SBNO1: variants seen among roughly 807,000 people sequenced by gnomAD.
SBNO1 encodes the protein strawberry notch homolog 1.
In SBNO1, 23 loss-of-function variants were observed where a neutral mutation model predicts 173.6. The ratio of observed to expected loss-of-function variants is 0.13; its 90% CI spans 0.10 to 0.19. The LOEUF is 0.19. SBNO1 is among the 10% of genes least tolerant of loss of function. The pLI is 1.00. For synonymous variants in SBNO1, 632 were observed against 571.5 expected (o/e 1.11, Z -1.51); for missense variants, 1,238 against 1,671.2 (o/e 0.74, Z 4.52).
intron 30 of SBNO1, among the ~76,000 whole-genome samples, chr12:123,299,052 A>G (rs541344794): frequency 6.6e-6 from 1 of 152,150 alleles, no homozygotes; most frequent in Non-Finnish European, 1.5e-5. Context: ...GAGAAACCTC[A>G]TTTCTACTGA....
At chr12:123,334,656 C>G (rs781245795) in intron 6 of SBNO1, among the ~76,000 whole-genome samples, 10 of 151,896 alleles carry the variant, frequency 6.6e-5, no homozygotes, top group Non-Finnish European at 1.5e-4. Context: ...TGCAGGGAGC[C>G]GAGACTGTGC....
intron 1 of SBNO1, among the ~76,000 whole-genome samples, chr12:123,360,584 A>G (rs1593427546): frequency 6.6e-6 from 1 of 151,968 alleles, no homozygotes; most frequent in South Asian, 2.1e-4. Context: ...AGCTGGGATT[A>G]TAGGTGCGGA....
rs1200604804 is a variant in SBNO1, at chr12:123,327,701, C to A, written c.1538+6G>T. ...TGAGAAGAGTATATACCGTAAACTGCATTACCTCCGTTCTACTGCTTGAAT... is the reference window on the plus strand; with the variant it reads ...TGAGAAGAGTATATACCGTAAACTGAATTACCTCCGTTCTACTGCTTGAAT... On this transcript the variant is annotated splice_donor_region_variant and intron_variant, in intron 12 of 31. Transcript: ENST00000602398. 7 of 1,606,660 alleles carry A rather than the reference C, an allele frequency of 4.4e-6. No homozygotes were observed. In the South Asian group the frequency reaches 4.4e-5, roughly 10 times the overall value.
intron 19 of SBNO1, 124 bp downstream of exon 19, chr12:123,320,307 TA>T: frequency 1.0e-6 from 1 of 996,826 alleles, no homozygotes; most frequent in Non-Finnish European, 1.5e-6. Flanking sequence ...GGATGGCAAC[TA>T]AAGTAGAACA....
chr12:123,320,395 T>C (rs999474171), intron 19 of SBNO1, 37 bp downstream of exon 19: 4 of 1,568,370 alleles, frequency 2.6e-6, no homozygotes, highest in East Asian at 2.2e-5. Flanking sequence ...GGGGTTCAAA[T>C]GGCAAAAATG....
rs1332105122 is a variant in SBNO1, at chr12:123,291,640, C to T, written c.*4268G>A. On this transcript the variant is annotated 3_prime_UTR_variant, in exon 32 of 32. Transcript: ENST00000602398. The stretch of plus-strand genomic sequence containing the variant: ...AAAACTGAATTCTAAAATACAGGAA[C>T]AAATACTTTTCTAAATGAAAAGTTT... 1 of 106,928 alleles carries T rather than the reference C, an allele frequency of 9.4e-6. No homozygotes were observed. The highest frequency in any genetic ancestry group is 2.0e-5 in the Non-Finnish European group (1 of 51,150). The allele number at this position is 106,928 out of a possible 1,614,324, so 6.6% of individuals were successfully genotyped here. A position where few individuals can be genotyped will look rare whatever the true frequency, so the allele number is the denominator to read the frequency against.
At position 123,317,282 on chromosome 12, in the gene SBNO1, C is replaced by T. The variant is rs1248251757; in HGVS notation, c.2874G>A (p.Arg958=). The change falls in exon 21 of 32, where the codon AGG becomes AGA. Residue 958 remains arginine (R), a synonymous_variant. Transcript: ENST00000602398. The stretch of plus-strand genomic sequence containing the variant: ...ATTCTAAAGTCATATGAACTCTTCG[C>T]CTTTGATTTTTAGCTCTCCTATCTG... ...LQADRRAKNQ[R]RRVHMTLELP... is the part of the protein sequence containing the mutation. 2 of 1,613,966 alleles carry T rather than the reference C, an allele frequency of 1.2e-6. No homozygotes were observed. The highest frequency in any genetic ancestry group is 1.7e-6 in the Non-Finnish European group (2 of 1,179,984).
At chr12:123,309,622 C>T (rs759110639) in intron 26 of SBNO1, 39 bp from the exon 27 acceptor site, 2 of 1,600,786 alleles carry the variant, frequency 1.2e-6, no homozygotes, top group Non-Finnish European at 1.7e-6. Context: ...GTAAAAAGAA[C>T]ATTTTTATCA....
chr12:123,359,463 G>A (rs1287605741), intron 1 of SBNO1, among the ~76,000 whole-genome samples: 4 of 151,486 alleles, frequency 2.6e-5, no homozygotes, highest in Non-Finnish European at 5.9e-5. Flanking sequence ...TTGAGATGCT[G>A]AGGTGGGAGA....
intron 14 of SBNO1, 100 bp from the exon 15 acceptor site, chr12:123,325,699 G>T (rs1870534849): frequency 1.3e-6 from 1 of 795,124 alleles, no homozygotes; most frequent in South Asian, 1.6e-5. Flanking sequence ...TTTCAAACAA[G>T]AATGTCCTCA....
In SBNO1 at chr12:123,292,707, T is replaced by C. The variant is rs958176205; in HGVS notation, c.*3201A>G. 6.6e-6 allele frequency: 1 copy of C among 152,170 alleles called. No homozygotes were observed. Among genetic ancestry groups the C allele is most frequent in the Non-Finnish European group, 1.5e-5 (1 of 68,030 alleles). The allele number at this position is 152,170 out of a possible 1,614,324, so 9.4% of individuals were successfully genotyped here. On this transcript the variant is annotated 3_prime_UTR_variant, in exon 32 of 32. Transcript: ENST00000602398. The stretch of plus-strand genomic sequence containing the variant: ...CTGAAGTGCTGAGTTAGAATAAATA[T>C]ATATAGATACATACACACACTACAT...
intron 28 of SBNO1, among the ~76,000 whole-genome samples, chr12:123,307,311 A>G (rs80151828): frequency 0.048 from 7,229 of 152,128 alleles, 302 homozygotes; most frequent in East Asian, 0.25. Flanking sequence ...CTAGCTTGGC[A>G]CTCCTAAACT....
chr12:123,293,777 A>T lies in SBNO1; in HGVS notation c.*2131T>A, dbSNP rs1292890107. On this transcript the variant is annotated 3_prime_UTR_variant, in exon 32 of 32. Transcript: ENST00000602398. The stretch of plus-strand genomic sequence containing the variant: ...GCTTTGAAAACGCCATAAAAAACTA[A>T]GATGCCCTCATACACAGAAAAGAGG... The T allele has an allele frequency of 6.6e-6, 1 of 152,216 alleles. No individual in the cohort carries two copies. Among genetic ancestry groups the T allele is most frequent in the Non-Finnish European group, 1.5e-5 (1 of 68,046 alleles). The allele number at this position is 152,216 out of a possible 1,614,324, so 9.4% of individuals were successfully genotyped here.
rs756041369 is a variant in SBNO1 at position 123,325,417 on chromosome 12, T to C, written c.1973+85A>G. ...AGATGATGCAGGTGAAACAAAAGTT[T>C]TGTCTCCAGGAAATGCCCACATTGG... On this transcript the variant is annotated intron_variant, in intron 15 of 31. Coordinates refer to ENST00000602398, the MANE Select transcript of SBNO1 (RefSeq NM_001167856.3). 7.5e-4 allele frequency: 693 copies of C among 921,022 alleles called. 3 individuals are homozygous for C. Among genetic ancestry groups the C allele is most frequent in the Non-Finnish European group, 1.0e-3 (598 of 580,742 alleles). 57.1% of individuals were successfully genotyped at this position (921,022 alleles called of 1,614,324 possible). A position where few individuals can be genotyped will look rare whatever the true frequency, so the allele number is the denominator to read the frequency against.
chr12:123,320,276 GGCA>G (rs533275119), intron 19 of SBNO1, among the ~76,000 whole-genome samples, 153 bp downstream of exon 19: 3 of 152,200 alleles, frequency 2.0e-5, no homozygotes, highest in Non-Finnish European at 4.4e-5. Flanking sequence ...AGATACTGCA[GGCA>G]GCAGTTCATT....
In SBNO1 at chr12:123,309,941, C is replaced by T. The variant is rs749420961; in HGVS notation, c.3296-85G>A. On this transcript the variant is annotated intron_variant, in intron 25 of 31. Transcript: ENST00000602398. ...CTAGGCTTAGTTCAAGTCCCACTTT[C>T]TCTTCTAAAAGTCTTCCTTCTTAAC... is the stretch of plus-strand genomic sequence containing the variant. The T allele has an allele frequency of 1.4e-4, 144 of 1,063,184 alleles. No individual in the cohort carries two copies. In the Middle Eastern group the frequency reaches 4.0e-3, roughly 30 times the overall value. The allele number at this position is 1,063,184 out of a possible 1,614,324, so 65.9% of individuals were successfully genotyped here. A position where few individuals can be genotyped will look rare whatever the true frequency, so the allele number is the denominator to read the frequency against.
chr12:123,350,520 C>G lies in SBNO1; in HGVS notation c.1-79G>C. On this transcript the variant is annotated intron_variant, in intron 1 of 31. Transcript: ENST00000602398. Reference sequence around the variant, plus strand: ...AACTCCCCTCTAAATATAAACAATCCAACAATCTCTATTAGACCCATTCAT... The same window carrying G: ...AACTCCCCTCTAAATATAAACAATCGAACAATCTCTATTAGACCCATTCAT... 5 of 1,147,762 alleles carry G rather than the reference C, an allele frequency of 4.4e-6. No homozygotes were observed. The South Asian group carries it at 6.2e-5, about 14-fold the overall frequency. The allele number at this position is 1,147,762 out of a possible 1,614,324, so 71.1% of individuals were successfully genotyped here.
At chr12:123,303,295 C>G (rs1424844067) in intron 29 of SBNO1, among the ~76,000 whole-genome samples, 1 of 152,178 alleles carries the variant, frequency 6.6e-6, no homozygotes, top group Non-Finnish European at 1.5e-5. Context: ...TTTAAACATT[C>G]TAACTTTTGT....
intron 23 of SBNO1, 151 bp downstream of exon 23, chr12:123,315,222 G>A (rs1793478983): frequency 9.7e-6 from 6 of 620,742 alleles, no homozygotes; most frequent in South Asian, 3.9e-5. Flanking sequence ...TAACATACAT[G>A]TGAAATTCTG....
Sources: gnomAD v4.1 joint callset for allele counts (sites outside exome capture counted in the v4.1 genomes callset) on GRCh38, gnomAD v4.1.1 for gene constraint, MANE v1.5 for transcripts, NCBI Gene and HGNC (gene_info 2026-07-23, HGNC 2026-07-21) for gene names.